Variants in MREG observed in about 807,000 individuals in gnomAD.
The protein encoded by MREG is melanoregulin.
A neutral mutation model predicts 28.5 loss-of-function variants in MREG; 31 were observed. The observed-to-expected ratio is 1.09, with a 90% CI of 0.82 to 1.47. The LOEUF is 1.47. Ranked by LOEUF, MREG falls within the 40% of genes most tolerant of loss-of-function variation. MREG has a pLI of 0.00. For synonymous variants in MREG, 106 were observed against 95.2 expected (o/e 1.11, Z -0.66); for missense variants, 256 against 257.4 (o/e 0.99, Z 0.04).
At chr2:215,985,829 G>A (rs532304284) in intron 2 of MREG, among the ~76,000 whole-genome samples, 1 of 152,116 alleles carries the variant, frequency 6.6e-6, no homozygotes, top group Admixed American at 6.5e-5. Flanking sequence ...TACCTTTCTT[G>A]AGCTTCTAAA....
intron 1 of MREG, among the ~76,000 whole-genome samples, chr2:216,020,907 T>G (rs1213464918): frequency 1.3e-5 from 2 of 152,090 alleles, no homozygotes; most frequent in Non-Finnish European, 2.9e-5. Context: ...ACTGGTGACC[T>G]CACCAACATC....
chr2:215,966,920 T>G (rs771691250), intron 2 of MREG, among the ~76,000 whole-genome samples: 1 of 152,146 alleles, frequency 6.6e-6, no homozygotes, highest in Non-Finnish European at 1.5e-5. Context: ...ATTACAATTC[T>G]AGTATCCCAT....
chr2:216,006,647 GC>G (rs1478100111), intron 1 of MREG, among the ~76,000 whole-genome samples: 2 of 152,210 alleles, frequency 1.3e-5, no homozygotes, highest in African/African-American at 4.8e-5. Context: ...GGCCATCTGG[GC>G]CCCGGTCTGA....
At chr2:215,987,251 C>CAT (rs1693596182) in intron 2 of MREG, among the ~76,000 whole-genome samples, 2 of 146,118 alleles carry the variant, frequency 1.4e-5, no homozygotes, top group Admixed American at 6.9e-5. Context: ...ACATAAGCAA[C>CAT]TTTTTTTTTT....
intron 1 of MREG, 114 bp from the exon 2 acceptor site, chr2:215,996,579 A>G: frequency 1.3e-6 from 1 of 741,402 alleles, no homozygotes; most frequent in East Asian, 2.9e-5. Flanking sequence ...ATATATAAAT[A>G]TATTGTCAAA....
intron 4 of MREG, among the ~76,000 whole-genome samples, 154 bp from the exon 5 acceptor site, chr2:215,945,151 A>T (rs74763482): frequency 0.015 from 2,241 of 152,348 alleles, 36 homozygotes; most frequent in Middle Eastern, 0.058. Flanking sequence ...AAATGTAGAG[A>T]CACGCCTTAA....
chr2:215,993,097 G>A (rs527582708), intron 2 of MREG, among the ~76,000 whole-genome samples: 6 of 152,120 alleles, frequency 3.9e-5, no homozygotes, highest in South Asian at 2.1e-4. Flanking sequence ...ATAAGAGCCC[G>A]TATAGCCAAG....
chr2:216,005,992 A>G (rs1694145069), intron 1 of MREG, among the ~76,000 whole-genome samples: 1 of 152,214 alleles, frequency 6.6e-6, no homozygotes, highest in Admixed American at 6.5e-5. Context: ...GTCACAAAAC[A>G]AAGATTTATT....
downstream of MREG, among the ~76,000 whole-genome samples, chr2:215,940,513 T>C: frequency 6.6e-6 from 1 of 152,234 alleles, no homozygotes; most frequent in Admixed American, 6.5e-5. Context: ...CAAAAGTTAC[T>C]GCCATTAGTC....
intron 1 of MREG, among the ~76,000 whole-genome samples, chr2:215,999,571 A>C (rs1039597256): frequency 6.6e-6 from 1 of 152,238 alleles, no homozygotes; most frequent in African/African-American, 2.4e-5. Context: ...TGTTTGAGGT[A>C]CAGGAAAAAT....
intron 1 of MREG, among the ~76,000 whole-genome samples, chr2:216,006,319 C>T (rs1415262980): frequency 6.6e-6 from 1 of 152,204 alleles, no homozygotes; most frequent in Non-Finnish European, 1.5e-5. Context: ...AGCTTCCCTC[C>T]TACGCGTTGG....
At chr2:216,007,181 T>C (rs1694176059) in intron 1 of MREG, among the ~76,000 whole-genome samples, 1 of 152,200 alleles carries the variant, frequency 6.6e-6, no homozygotes, top group Non-Finnish European at 1.5e-5. Context: ...TATTTGGAGA[T>C]TCTGCATTTG....
intron 2 of MREG, among the ~76,000 whole-genome samples, chr2:215,978,040 A>G (rs116501187): frequency 0.084 from 12,765 of 152,204 alleles, 575 homozygotes; most frequent in Non-Finnish European, 0.089. Flanking sequence ...TCAGAGCAGA[A>G]TTGAAGGAGA....
chr2:216,028,397 G>A (rs796775244), intron 1 of MREG, among the ~76,000 whole-genome samples: 10 of 151,936 alleles, frequency 6.6e-5, no homozygotes, highest in South Asian at 2.1e-4. Flanking sequence ...GCGTGGTGGC[G>A]GGCACCTGTA....
chr2:216,030,242 A>T (rs978161196), intron 1 of MREG, among the ~76,000 whole-genome samples: 5 of 152,136 alleles, frequency 3.3e-5, no homozygotes, highest in East Asian at 1.9e-4. Flanking sequence ...TCCATTAAAA[A>T]TTTTCAAAAT....
At chr2:216,005,158 C>A (rs1009092054) in intron 1 of MREG, among the ~76,000 whole-genome samples, 1 of 152,018 alleles carries the variant, frequency 6.6e-6, no homozygotes, top group Non-Finnish European at 1.5e-5. Flanking sequence ...AATAGGGGAA[C>A]AAAATGGAAT....
At chr2:216,031,472 A>T (rs1694694563) in intron 1 of MREG, among the ~76,000 whole-genome samples, 1 of 126,960 alleles carries the variant, frequency 7.9e-6, no homozygotes, top group African/African-American at 3.0e-5. Context: ...AGAAAGAAAG[A>T]AAGAGAAAGA....
rs76720512 is a variant in MREG, at chr2:215,958,775, C to G, written c.256-11662G>C. 8.8e-3 allele frequency among the ~76,000 whole-genome samples: 1,342 copies of G among 152,286 alleles called. 16 individuals are homozygous for G. The highest frequency in any genetic ancestry group is 0.03 in the African/African-American group (1,227 of 41,554). The stretch of plus-strand genomic sequence containing the variant: ...ACCTGATTTAGGGGAGTCTTATAGT[C>G]CTTTCCAAAGATCCTCACCGCCTCT... On this transcript the variant is annotated intron_variant, in intron 2 of 4. Coordinates refer to ENST00000263268, the MANE Select transcript of MREG (RefSeq NM_018000.3).
chr2:216,026,653 A>C (rs1344837567), intron 1 of MREG, among the ~76,000 whole-genome samples: 1 of 152,118 alleles, frequency 6.6e-6, no homozygotes, highest in Non-Finnish European at 1.5e-5. Flanking sequence ...GAGCCACCAC[A>C]ACTGGCTAAA....
Sources: allele counts gnomAD v4.1 joint callset (sites outside exome capture counted in the v4.1 genomes callset), GRCh38; gene constraint gnomAD v4.1.1; transcripts MANE v1.5; gene names NCBI Gene and HGNC (gene_info 2026-07-23, HGNC 2026-07-21).